The following ALKBH8 variants were observed in gnomAD, a reference collection of about 807,000 sequenced individuals.
The protein encoded by ALKBH8 is alkB homolog 8, tRNA methyltransferase, also known as tRNA (carboxymethyluridine(34)-5-O)-methyltransferase ALKBH8.
In ALKBH8, 36 loss-of-function variants were observed where a neutral mutation model predicts 59.8. The ratio of observed to expected loss-of-function variants is 0.60; its 90% CI spans 0.46 to 0.79. ALKBH8 has a LOEUF of 0.79. Among genes scored for constraint, ALKBH8 ranks in the 30% least tolerant of loss-of-function variants. The pLI is 0.00. For missense variants in ALKBH8, 768 were observed against 801.0 expected, an observed-to-expected ratio of 0.96 and a Z score of 0.50; for synonymous variants, 276 against 273.6, an observed-to-expected ratio of 1.01 and a Z score of -0.09.
intron 7 of ALKBH8, among the ~76,000 whole-genome samples, chr11:107,542,218 G>A (rs1864067006): frequency 6.6e-6 from 1 of 151,826 alleles, no homozygotes; most frequent in Non-Finnish European, 1.5e-5. Flanking sequence ...CAAGAAACCT[G>A]GTAATTCCCA....
chr11:107,510,230 T>C (rs1051325335), intron 11 of ALKBH8, among the ~76,000 whole-genome samples: 4 of 152,164 alleles, frequency 2.6e-5, no homozygotes, highest in Non-Finnish European at 5.9e-5. Context: ...AGGTGAGCTA[T>C]AAAGCTATTG....
intron 1 of ALKBH8, among the ~76,000 whole-genome samples, chr11:107,563,120 G>A (rs1024963425): frequency 6.6e-6 from 1 of 152,226 alleles, no homozygotes; most frequent in African/African-American, 2.4e-5. Context: ...GCTGGCAAGT[G>A]ACAAAATAAA....
chr11:107,542,243 G>A (rs1864067881), intron 7 of ALKBH8, among the ~76,000 whole-genome samples: 1 of 151,670 alleles, frequency 6.6e-6, no homozygotes, highest in Non-Finnish European at 1.5e-5. Context: ...GAATAAACAA[G>A]CCAATCAAAA....
chr11:107,525,366 G>T (rs1863306093), intron 9 of ALKBH8, 75 bp downstream of exon 9: 3 of 1,346,316 alleles, frequency 2.2e-6, no homozygotes, highest in African/African-American at 1.5e-5. Flanking sequence ...GCTCTCCTAG[G>T]TGTTGACAGG....
chr11:107,548,900 G>C (rs1864378389), intron 7 of ALKBH8, among the ~76,000 whole-genome samples: 1 of 151,698 alleles, frequency 6.6e-6, no homozygotes, highest in East Asian at 1.9e-4. Context: ...ACCCGGGCTG[G>C]AGTGCAGTGG....
rs527768658 is a variant in ALKBH8, at chr11:107,524,705, A to C, written c.1030+736T>G. ...TAGAAATTTCAAGTTTTCTAAAAGC[A>C]TAACATTTTGTAGATATAGTAAGAG... On this transcript the variant is annotated intron_variant, in intron 9 of 11. Transcript: ENST00000428149. Among the ~76,000 whole-genome samples, 3 of 152,348 alleles carry C rather than the reference A, an allele frequency of 2.0e-5. No homozygotes were observed. In the East Asian group the frequency reaches 5.8e-4, roughly 29 times the overall value.
Position 107,521,284 on chromosome 11 carries a change from T to C in ALKBH8, c.1287+1015A>G, listed in dbSNP as rs79841258. Among the ~76,000 whole-genome samples the C allele has an allele frequency of 5.9e-3, 898 of 152,298 alleles. 13 individuals carry two copies. Among genetic ancestry groups the C allele is most frequent in the African/African-American group, 0.021 (858 of 41,568 alleles). On this transcript the variant is annotated intron_variant, in intron 10 of 11. Transcript: ENST00000428149. ...GTTGCTCATGTAGGGGTGATAAAAA[T>C]GTAATCTCTTAGAAGAATGGTATAT...
intron 7 of ALKBH8, among the ~76,000 whole-genome samples, chr11:107,541,402 A>G (rs559875): frequency 0.77 from 117,023 of 152,132 alleles, 45,832 homozygotes; most frequent in South Asian, 0.85. Flanking sequence ...CTAGTCCAGT[A>G]TTTAATTCAG....
intron 7 of ALKBH8, among the ~76,000 whole-genome samples, chr11:107,539,193 G>C (rs1863937467): frequency 1.3e-5 from 2 of 152,238 alleles, no homozygotes; most frequent in African/African-American, 2.4e-5. Flanking sequence ...CCAGGGCAGA[G>C]GAATTGACAG....
At chr11:107,512,373 G>A (rs1181320437) in intron 10 of ALKBH8, among the ~76,000 whole-genome samples, 2 of 152,030 alleles carry the variant, frequency 1.3e-5, no homozygotes, top group Admixed American at 6.6e-5. Context: ...GAGTACAGTG[G>A]TGCAATCCCA....
At chr11:107,537,184 G>T (rs761522066) in intron 7 of ALKBH8, among the ~76,000 whole-genome samples, 14 of 152,186 alleles carry the variant, frequency 9.2e-5, no homozygotes, top group Non-Finnish European at 2.1e-4. Context: ...GTTATTGTTG[G>T]GTTAGTTTTG....
rs1864745682 is a variant in ALKBH8 at position 107,556,991 on chromosome 11, C to A, written c.142G>T (p.Ala48Ser). 2 of 1,579,516 alleles carry A rather than the reference C, an allele frequency of 1.3e-6. No homozygotes were observed. Among genetic ancestry groups the A allele is most frequent in the East Asian group, 2.3e-5 (1 of 43,466 alleles). ...VSYATQSLVV[A>S]NGGLGNGVSR... ...ACACCATTACCCAAACCACCATTGG[C>A]AACAACCAGGCTCTTAAAAAACAAA... The change falls in exon 3 of 12, where the codon GCC (alanine) becomes TCC (serine). Residue 48 changes from alanine to serine, a missense_variant. By Grantham distance (99) the Ala-to-Ser change is moderately conservative. Coordinates refer to ENST00000428149, the MANE Select transcript of ALKBH8 (RefSeq NM_138775.3).
intron 7 of ALKBH8, among the ~76,000 whole-genome samples, chr11:107,536,587 G>A (rs1474411356): frequency 6.6e-6 from 1 of 152,176 alleles, no homozygotes; most frequent in Non-Finnish European, 1.5e-5. Flanking sequence ...ACTGAACACT[G>A]CATGACTTGA....
intron 9 of ALKBH8, 123 bp from the exon 10 acceptor site, chr11:107,522,678 C>T (rs557502763): frequency 8.4e-6 from 10 of 1,185,142 alleles, no homozygotes; most frequent in Non-Finnish European, 1.1e-5. Context: ...CTGATTTATC[C>T]GTTAAAAGAA....
Position 107,565,694 on chromosome 11 carries a change from T to C in ALKBH8, c.-100A>G. 1 of 1,534,082 alleles carries C rather than the reference T, an allele frequency of 6.5e-7. No individual in the cohort carries two copies. Among genetic ancestry groups the C allele is most frequent in the Middle Eastern group, 1.7e-4 (1 of 5,990 alleles). ...GCACCAGAACACCGCAGCGGATACTTGCACGCCATCTCCCCTGGGCGCGGC... is the reference window on the plus strand; with the variant it reads ...GCACCAGAACACCGCAGCGGATACTCGCACGCCATCTCCCCTGGGCGCGGC... On this transcript the variant is annotated 5_prime_UTR_variant, in exon 1 of 12. Transcript: ENST00000428149.
intron 7 of ALKBH8, among the ~76,000 whole-genome samples, chr11:107,545,397 T>C (rs577561968): frequency 6.6e-6 from 1 of 152,268 alleles, no homozygotes; most frequent in South Asian, 2.1e-4. Context: ...TTCAGCTAGG[T>C]ATTTCAAGAT....
chr11:107,545,961 T>C (rs889785579), intron 7 of ALKBH8, among the ~76,000 whole-genome samples: 5 of 152,174 alleles, frequency 3.3e-5, no homozygotes, highest in African/African-American at 1.2e-4. Context: ...GCACTCTTTA[T>C]AATCAAGCTA....
At chr11:107,537,594 G>A (rs935842238) in intron 7 of ALKBH8, among the ~76,000 whole-genome samples, 1 of 152,042 alleles carries the variant, frequency 6.6e-6, no homozygotes, top group Admixed American at 6.6e-5. Context: ...AGGAAGAATA[G>A]CTAATAGATG....
intron 11 of ALKBH8, among the ~76,000 whole-genome samples, chr11:107,509,024 C>T (rs983383282): frequency 1.3e-5 from 2 of 152,170 alleles, no homozygotes; most frequent in African/African-American, 4.8e-5. Flanking sequence ...GGGTATATAT[C>T]TAGAAGCAGA....
Sources: allele counts gnomAD v4.1 joint callset (sites outside exome capture counted in the v4.1 genomes callset), GRCh38; gene constraint gnomAD v4.1.1; transcripts MANE v1.5; gene names NCBI Gene and HGNC (gene_info 2026-07-23, HGNC 2026-07-21).